CSMD3: variants seen among roughly 807,000 people sequenced by gnomAD.
The protein encoded by CSMD3 is CUB and sushi domain-containing protein 3.
Under a neutral mutation model 435.2 loss-of-function variants are expected in CSMD3, and 177 were observed. That is an observed-to-expected ratio of 0.41 (90% confidence interval 0.36 to 0.46). CSMD3 has a LOEUF of 0.46. CSMD3 is among the 20% of genes least tolerant of loss of function. CSMD3 has a pLI of 0.34. For synonymous variants in CSMD3, 1,656 were observed against 1,520.5 expected (o/e 1.09, Z -2.07); for missense variants, 4,265 against 4,504.6 (o/e 0.95, Z 1.52).
chr8:113,227,151 A>T (rs1487242801), intron 3 of CSMD3, among the ~76,000 whole-genome samples: 1 of 151,626 alleles, frequency 6.6e-6, no homozygotes, highest in Non-Finnish European at 1.5e-5. Context: ...TTATCAAAAA[A>T]TGGAAAAAAG....
At chr8:112,559,544 G>T (rs1279914190) in intron 24 of CSMD3, among the ~76,000 whole-genome samples, 1 of 151,816 alleles carries the variant, frequency 6.6e-6, no homozygotes, top group African/African-American at 2.4e-5. Flanking sequence ...AGCTGACACA[G>T]ACATCATCAT....
At chr8:113,316,867 G>A (rs1275362904) in intron 1 of CSMD3, among the ~76,000 whole-genome samples, 2 of 152,072 alleles carry the variant, frequency 1.3e-5, no homozygotes, top group African/African-American at 2.4e-5. Context: ...ACATACTTTG[G>A]AGCAGCTGAC....
At chr8:112,567,567 A>C (rs1829159071) in intron 24 of CSMD3, among the ~76,000 whole-genome samples, 2 of 152,160 alleles carry the variant, frequency 1.3e-5, no homozygotes, top group Admixed American at 6.6e-5. Context: ...TTTCAATAGA[A>C]GAGTAAAAGG....
At chr8:112,493,910 T>C (rs1251415696) in intron 30 of CSMD3, among the ~76,000 whole-genome samples, 2 of 152,140 alleles carry the variant, frequency 1.3e-5, no homozygotes, top group Non-Finnish European at 2.9e-5. Context: ...AGTGATTTTC[T>C]ACATCAGAAT....
intron 45 of CSMD3, among the ~76,000 whole-genome samples, chr8:112,329,194 A>T (rs760068130): frequency 4.7e-4 from 71 of 152,256 alleles, no homozygotes; most frequent in Non-Finnish European, 7.9e-4. Context: ...GTTCCCTGGC[A>T]TATAGACCTG....
chr8:112,997,773 T>A (rs898175987), intron 6 of CSMD3, among the ~76,000 whole-genome samples: 3 of 151,298 alleles, frequency 2.0e-5, no homozygotes, highest in Non-Finnish European at 4.4e-5. Context: ...AGTTAGAGTA[T>A]ATTTTTCAAA....
chr8:112,787,943 G>C (rs568458572), intron 13 of CSMD3, among the ~76,000 whole-genome samples: 8 of 152,164 alleles, frequency 5.3e-5, no homozygotes, highest in Non-Finnish European at 1.0e-4. Context: ...AATTAAAAGA[G>C]TTTTATTGGA....
intron 2 of CSMD3, among the ~76,000 whole-genome samples, chr8:113,285,533 ACAGGCGTGAGC>A (rs2093640635): frequency 6.6e-6 from 1 of 152,166 alleles, no homozygotes; most frequent in Non-Finnish European, 1.5e-5. Flanking sequence ...TGCTGGGATT[ACAGGCGTGAGC>A]CACCCCGCCC....
chr8:112,506,540 G>A, intron 29 of CSMD3, 151 bp downstream of exon 29: 4 of 712,238 alleles, frequency 5.6e-6, no homozygotes, highest in Admixed American at 5.3e-5. Context: ...AATGACAGTG[G>A]CAAAGCTAGA....
chr8:113,029,851 TGA>T lies in CSMD3; in HGVS notation c.918-10674_918-10673del, dbSNP rs1243390506. Among the ~76,000 whole-genome samples the T allele has an allele frequency of 3.3e-5, 5 of 151,532 alleles. 1 individual carries two copies. The South Asian group carries it at 8.4e-4, about 25-fold the overall frequency. ...AAGTCAAACTGTCACTGTTTGCTGA[TGA>T]TATGATTGTTTGCCTTGAAAACCCT... is the stretch of plus-strand genomic sequence containing the variant. On this transcript the variant is annotated intron_variant, in intron 5 of 70. Transcript: ENST00000297405.
intron 1 of CSMD3, among the ~76,000 whole-genome samples, chr8:113,336,357 T>C (rs2132813433): frequency 6.6e-6 from 1 of 152,250 alleles, no homozygotes; most frequent in African/African-American, 2.4e-5. Context: ...GTGCTGTTTG[T>C]CGAGGCATTT....
At chr8:113,306,379 A>C (rs1425869908) in intron 2 of CSMD3, among the ~76,000 whole-genome samples, 1 of 152,196 alleles carries the variant, frequency 6.6e-6, no homozygotes, top group Non-Finnish European at 1.5e-5. Flanking sequence ...AATCTTTAGG[A>C]AAACTTGGAG....
rs746526021 is a variant in CSMD3, at chr8:112,666,261, A to G, written c.2816+16T>C. On this transcript the variant is annotated intron_variant, in intron 17 of 70. Transcript: ENST00000297405. ...GATAATATTTTCTTTAAAAGTAGGA[A>G]AAATATTTGTGAGACCTTTCAAATG... 6.3e-7 allele frequency: 1 copy of G among 1,594,690 alleles called. No homozygotes were observed. Among genetic ancestry groups the G allele is most frequent in the Non-Finnish European group, 8.6e-7 (1 of 1,164,110 alleles).
At chr8:113,245,414 A>AT (rs1358193539) in intron 3 of CSMD3, among the ~76,000 whole-genome samples, 5 of 151,846 alleles carry the variant, frequency 3.3e-5, no homozygotes, top group Admixed American at 3.3e-4. Flanking sequence ...ATTTTACTTT[A>AT]TATTGAGTTA....
chr8:113,172,261 A>G (rs1033118306), intron 4 of CSMD3, among the ~76,000 whole-genome samples: 8 of 152,210 alleles, frequency 5.3e-5, no homozygotes, highest in African/African-American at 1.9e-4. Flanking sequence ...TGAGTAATCT[A>G]GAGCAATTAT....
chr8:112,367,569 GC>G (rs1222763312), intron 38 of CSMD3, among the ~76,000 whole-genome samples: 1 of 152,058 alleles, frequency 6.6e-6, no homozygotes, highest in Non-Finnish European at 1.5e-5. Context: ...TGGCCATAAA[GC>G]TTTTCAATTA....
intron 1 of CSMD3, among the ~76,000 whole-genome samples, chr8:113,403,592 T>C (rs2094519796): frequency 6.6e-6 from 1 of 151,456 alleles, no homozygotes; most frequent in Admixed American, 6.6e-5. Flanking sequence ...ATGATTGCTT[T>C]CTGTGATTAT....
chr8:112,232,459 A>G (rs932683458), intron 68 of CSMD3, among the ~76,000 whole-genome samples: 1 of 152,150 alleles, frequency 6.6e-6, no homozygotes. Context: ...AATTACAAAA[A>G]TTAGCCAGGG....
chr8:113,091,316 A>AT (rs1022327359), intron 5 of CSMD3, among the ~76,000 whole-genome samples: 2 of 151,996 alleles, frequency 1.3e-5, no homozygotes, highest in African/African-American at 4.8e-5. Context: ...CTCCTCTTCT[A>AT]TTTTTCAGAA....
Sources: allele counts gnomAD v4.1 joint callset (sites outside exome capture counted in the v4.1 genomes callset), GRCh38; gene constraint gnomAD v4.1.1; transcripts MANE v1.5; gene names NCBI Gene and HGNC (gene_info 2026-07-23, HGNC 2026-07-21).